The following LAMA4 variants were observed in gnomAD, a reference collection of about 807,000 sequenced individuals.
LAMA4 encodes laminin subunit alpha-4.
Under a neutral mutation model 207.1 loss-of-function variants are expected in LAMA4, and 127 were observed. The ratio of observed to expected loss-of-function variants is 0.61; its 90% CI spans 0.53 to 0.71. LAMA4 has a LOEUF of 0.71. LAMA4 is among the 30% of genes least tolerant of loss of function. The probability of loss-of-function intolerance (pLI) is 0.00; values close to 1 mark genes in which losing one functional copy is unlikely to be tolerated. For synonymous variants in LAMA4, 761 were observed against 816.0 expected (o/e 0.93, Z 1.15); for missense variants, 2,093 against 2,246.5 (o/e 0.93, Z 1.38).
chr6:112,126,735 C>T (rs1778713307), intron 31 of LAMA4, among the ~76,000 whole-genome samples: 1 of 152,116 alleles, frequency 6.6e-6, no homozygotes, highest in African/African-American at 2.4e-5. Context: ...CAGTTCTTCC[C>T]CTGAAAAGAT....
rs782056385 is a variant in LAMA4 at position 112,185,277 on chromosome 6, A to G, written c.1037T>C (p.Met346Thr). The change falls in exon 9 of 39, where the codon ATG (methionine) becomes ACG (threonine). Residue 346 changes from methionine (M) to threonine (T), a missense_variant. Around this residue, in one of 3 missense-constraint regions of LAMA4, gnomAD observed 1,704 missense variants for 1,788.4 expected, o/e 0.95. Transcript: ENST00000230538. Reference protein sequence around the residue: ...KIQINNAENTMKSLLSDVEEL... With the variant: ...KIQINNAENTTKSLLSDVEEL... ...CTCTACGTCAGACAGAAGGCTTTTCATCGTGTTCTCAGCATTGTTGATTTG... is the reference window on the plus strand; with the variant it reads ...CTCTACGTCAGACAGAAGGCTTTTCGTCGTGTTCTCAGCATTGTTGATTTG... 1.2e-6 allele frequency: 2 copies of G among 1,613,468 alleles called. No individual in the cohort carries two copies. The highest frequency in any genetic ancestry group is 1.1e-5 in the South Asian group (1 of 91,072).
chr6:112,156,820 A>C (rs782731354), intron 14 of LAMA4, among the ~76,000 whole-genome samples: 7 of 151,980 alleles, frequency 4.6e-5, no homozygotes, highest in African/African-American at 7.3e-5. Context: ...CCTTAGAGGG[A>C]CTTTCTCTAT....
intron 5 of LAMA4, among the ~76,000 whole-genome samples, chr6:112,195,577 T>C (rs1783367813): frequency 6.6e-6 from 1 of 152,234 alleles, no homozygotes; most frequent in Non-Finnish European, 1.5e-5. Flanking sequence ...TCTTCATCTC[T>C]GATGATACTG....
At position 112,117,721 on chromosome 6, in the gene LAMA4, T is replaced by A. The variant is rs782491223; in HGVS notation, c.4981+18A>T. The stretch of plus-strand genomic sequence containing the variant: ...AGAAGCATTTCATGACTCATATTTT[T>A]AACATGACTAATGTTACCTAGAACC... On this transcript the variant is annotated intron_variant, in intron 35 of 38. Transcript: ENST00000230538. The surrounding 1 kb of genome is among the most constrained non-coding windows in gnomAD (Gnocchi z 4.5). The A allele has an allele frequency of 1.9e-5, 31 of 1,609,278 alleles. 1 individual carries two copies. In the South Asian group the frequency reaches 3.3e-4, roughly 17 times the overall value.
intron 23 of LAMA4, 75 bp from the exon 24 acceptor site, chr6:112,139,366 A>G: frequency 6.7e-7 from 1 of 1,495,132 alleles, no homozygotes; most frequent in Non-Finnish European, 9.3e-7. Flanking sequence ...CTTTTAACCC[A>G]TTCTTCTAAC....
rs966209354 is a variant in LAMA4 at position 112,187,158 on chromosome 6, T to G, written c.966+292A>C. On this transcript the variant is annotated intron_variant, in intron 8 of 38. Transcript: ENST00000230538. ...TATGGCTGCGCCAAGGAAATAAGTG[T>G]TTCTCTTTCCTCAGTAGTTTTGGGC... 3.1e-5 allele frequency: 15 copies of G among 489,284 alleles called. No individual in the cohort carries two copies. The Admixed American group carries it at 4.5e-4, about 15-fold the overall frequency. The allele number at this position is 489,284 out of a possible 1,614,324, so 30.3% of individuals were successfully genotyped here.
chr6:112,231,258 T>G (rs1292820177), intron 2 of LAMA4, among the ~76,000 whole-genome samples: 2 of 152,148 alleles, frequency 1.3e-5, no homozygotes, highest in Non-Finnish European at 1.5e-5. Context: ...CCAGTCATCT[T>G]GGAGGGGAGA....
chr6:112,183,138 A>G lies in LAMA4; in HGVS notation c.1077+2099T>C, dbSNP rs1782465064. Among the ~76,000 whole-genome samples, 4 of 152,360 alleles carry G rather than the reference A, an allele frequency of 2.6e-5. No homozygotes were observed. In the Middle Eastern group the frequency reaches 0.01, roughly 389 times the overall value. On this transcript the variant is annotated intron_variant, in intron 9 of 38. Coordinates refer to ENST00000230538, the MANE Select transcript of LAMA4 (RefSeq NM_001105206.3). ...TTACTTATCAAGTTCAAGGGGCAAT[A>G]TTACTGATTTTTATACACAATGAAC...
At chr6:112,121,909 A>C in intron 32 of LAMA4, 105 bp downstream of exon 32, 1 of 930,820 alleles carries the variant, frequency 1.1e-6, no homozygotes, top group South Asian at 1.3e-5. Context: ...AATAGGATTA[A>C]GGTGGCACAG....
chr6:112,180,401 A>T (rs1288352325), intron 9 of LAMA4, among the ~76,000 whole-genome samples: 1 of 152,220 alleles, frequency 6.6e-6, no homozygotes, highest in African/African-American at 2.4e-5. Context: ...AAGATGACTG[A>T]ATTGAACCTA....
At chr6:112,113,307 T>C (rs1314395058) in intron 38 of LAMA4, among the ~76,000 whole-genome samples, 1 of 152,198 alleles carries the variant, frequency 6.6e-6, no homozygotes, top group Non-Finnish European at 1.5e-5. Context: ...AACTATGATA[T>C]GTCAATTAAA....
chr6:112,155,497 G>A lies in LAMA4; in HGVS notation c.1959+68C>T, dbSNP rs143949369. Reference sequence around the variant, plus strand: ...TGGATTTCACACTGGAAGTTCAAGAGATGACATCAGAAAACAGAAAAGCCA... The same window carrying A: ...TGGATTTCACACTGGAAGTTCAAGAAATGACATCAGAAAACAGAAAAGCCA... On this transcript the variant is annotated intron_variant, in intron 15 of 38. Transcript: ENST00000230538. The A allele has an allele frequency of 1.6e-3, 2,407 of 1,546,118 alleles. 23 individuals carry two copies. The African/African-American group carries it at 0.026, about 17-fold the overall frequency.
At chr6:112,133,071 A>C (rs575213330) in intron 27 of LAMA4, among the ~76,000 whole-genome samples, 181 bp from the exon 28 acceptor site, 1 of 152,306 alleles carries the variant, frequency 6.6e-6, no homozygotes, top group East Asian at 1.9e-4. Flanking sequence ...ATGGGGTTTC[A>C]TCTTCTCCAC....
chr6:112,168,161 G>GC (rs1781498827), intron 12 of LAMA4, among the ~76,000 whole-genome samples: 1 of 148,238 alleles, frequency 6.7e-6, no homozygotes, highest in South Asian at 2.1e-4. Flanking sequence ...TCGCGCCACT[G>GC]CACTCCAGCC....
intron 36 of LAMA4, among the ~76,000 whole-genome samples, chr6:112,115,501 A>G (rs1173048106): frequency 6.6e-6 from 1 of 152,116 alleles, no homozygotes; most frequent in East Asian, 1.9e-4. Flanking sequence ...TATATCTGAT[A>G]TACATACATA....
At chr6:112,232,378 G>C (rs1785621965) in intron 2 of LAMA4, among the ~76,000 whole-genome samples, 1 of 152,144 alleles carries the variant, frequency 6.6e-6, no homozygotes, top group South Asian at 2.1e-4. Flanking sequence ...ATTCAAAATT[G>C]CTACAGAATT....
intron 6 of LAMA4, among the ~76,000 whole-genome samples, chr6:112,190,862 A>G (rs1782975505): frequency 6.7e-6 from 1 of 149,330 alleles, no homozygotes; most frequent in Non-Finnish European, 1.5e-5. Flanking sequence ...TGAACCATGC[A>G]AGGTTTCTTT....
chr6:112,125,851 T>A (rs1778658005), intron 31 of LAMA4, among the ~76,000 whole-genome samples: 1 of 152,194 alleles, frequency 6.6e-6, no homozygotes, highest in Admixed American at 6.5e-5. Context: ...AGGAAGTGAT[T>A]GTGAAAATAA....
At chr6:112,130,259 G>GT in intron 29 of LAMA4, 4 of 559,516 alleles carry the variant, frequency 7.1e-6, no homozygotes, top group Non-Finnish European at 1.3e-5. Flanking sequence ...ATTTAAACCC[G>GT]TAAGGCAAGA....
Sources: allele counts gnomAD v4.1 joint callset (sites outside exome capture counted in the v4.1 genomes callset), GRCh38; gene constraint gnomAD v4.1.1; regional missense constraint gnomAD v4.1.1; non-coding constraint Gnocchi (gnomAD v3.1); transcripts MANE v1.5; gene names NCBI Gene and HGNC (gene_info 2026-07-23, HGNC 2026-07-21).